The following SH3GL3 variants were observed in gnomAD, a reference collection of about 807,000 sequenced individuals.
SH3GL3 encodes the protein endophilin-A3.
Under a neutral mutation model 47.7 loss-of-function variants are expected in SH3GL3, and 33 were observed. The ratio of observed to expected loss-of-function variants is 0.69; its 90% CI spans 0.52 to 0.92. The LOEUF is 0.92. Ranked by LOEUF, SH3GL3 falls within the 40% of genes least tolerant of loss-of-function variation. The pLI is 0.00. For synonymous variants in SH3GL3, 155 were observed against 148.8 expected, an observed-to-expected ratio of 1.04 and a Z score of -0.30; for missense variants, 363 against 417.8, an observed-to-expected ratio of 0.87 and a Z score of 1.14.
intron 1 of SH3GL3, among the ~76,000 whole-genome samples, chr15:83,498,763 A>G (rs1199058375): frequency 2.0e-5 from 3 of 152,140 alleles, no homozygotes; most frequent in African/African-American, 4.8e-5. Flanking sequence ...GGATCTTCCT[A>G]AAACAGGAAT....
At chr15:83,450,705 CTTT>C (rs71156082) in intron 1 of SH3GL3, among the ~76,000 whole-genome samples, 83 of 82,374 alleles carry the variant, frequency 1.0e-3, no homozygotes, top group African/African-American at 3.6e-3. Flanking sequence ...CCAAATTTTT[CTTT>C]TTTTTTTTTT....
intron 1 of SH3GL3, among the ~76,000 whole-genome samples, chr15:83,558,599 C>T (rs1814611019): frequency 6.6e-6 from 1 of 152,076 alleles, no homozygotes; most frequent in South Asian, 2.1e-4. Flanking sequence ...ACAGCCCCCA[C>T]AACAGATAAT....
intron 1 of SH3GL3, among the ~76,000 whole-genome samples, chr15:83,540,246 C>A (rs2151698596): frequency 6.6e-6 from 1 of 152,168 alleles, no homozygotes; most frequent in East Asian, 1.9e-4. Flanking sequence ...GGTAAATGTT[C>A]CATGTCTACT....
intron 1 of SH3GL3, among the ~76,000 whole-genome samples, chr15:83,529,702 G>C (rs1191082923): frequency 6.7e-6 from 1 of 148,370 alleles, no homozygotes; most frequent in Non-Finnish European, 1.5e-5. Context: ...CAGCATCCCT[G>C]CTGCTCAGTG....
chr15:83,473,912 A>C (rs1372514037), intron 1 of SH3GL3, among the ~76,000 whole-genome samples: 1 of 150,974 alleles, frequency 6.6e-6, no homozygotes, highest in Non-Finnish European at 1.5e-5. Flanking sequence ...TTCAGCTCCA[A>C]ATCTTGGACA....
intron 1 of SH3GL3, among the ~76,000 whole-genome samples, chr15:83,459,487 GA>G (rs2040165975): frequency 1.3e-5 from 2 of 152,176 alleles, no homozygotes; most frequent in African/African-American, 4.8e-5. Flanking sequence ...TGGGATTCCG[GA>G]AAGGAATTTC....
At chr15:83,622,613 AT>A (rs1443478048), downstream of SH3GL3, among the ~76,000 whole-genome samples, 20 of 152,268 alleles carry the variant, frequency 1.3e-4, no homozygotes, top group African/African-American at 4.8e-4. Flanking sequence ...AGATGCAAGG[AT>A]CATGACCTGG....
At chr15:83,549,617 T>C (rs759960050) in intron 1 of SH3GL3, among the ~76,000 whole-genome samples, 11 of 152,228 alleles carry the variant, frequency 7.2e-5, no homozygotes, top group Non-Finnish European at 1.3e-4. Flanking sequence ...TATTTAGCCT[T>C]CTAGCAGCCT....
intron 8 of SH3GL3, among the ~76,000 whole-genome samples, chr15:83,607,894 C>A (rs1425496860): frequency 5.4e-5 from 8 of 148,394 alleles, no homozygotes; most frequent in South Asian, 2.1e-4. Context: ...ACAACAACAA[C>A]AAAAAAAACA....
intron 8 of SH3GL3, among the ~76,000 whole-genome samples, chr15:83,607,328 G>A (rs2060544292): frequency 6.6e-6 from 1 of 152,208 alleles, no homozygotes; most frequent in African/African-American, 2.4e-5. Context: ...CCAGGCAACA[G>A]TGATGTTGCA....
Position 83,447,445 on chromosome 15 carries a change from C to A in SH3GL3, c.-89C>A. 1 of 1,169,208 alleles carries A rather than the reference C, an allele frequency of 8.6e-7. No homozygotes were observed. The highest frequency in any genetic ancestry group is 1.1e-6 in the Non-Finnish European group (1 of 901,858). The allele number at this position is 1,169,208 out of a possible 1,614,324, so 72.4% of individuals were successfully genotyped here. A position where few individuals can be genotyped will look rare whatever the true frequency, so the allele number is the denominator to read the frequency against. On this transcript the variant is annotated 5_prime_UTR_variant, in exon 1 of 9. Transcript: ENST00000427482. This position sits in a 1 kb window ranked among gnomAD's most constrained non-coding sequence, Gnocchi z 5.1. Reference sequence around the variant, plus strand: ...CGGCGGAGCCCAGCCGCGGGGGGACCGGCCCGGGCTCCCGCTCCCCGAGCG... The same window carrying A: ...CGGCGGAGCCCAGCCGCGGGGGGACAGGCCCGGGCTCCCGCTCCCCGAGCG...
chr15:83,582,184 T>C (rs967534860), intron 6 of SH3GL3, among the ~76,000 whole-genome samples: 2 of 152,206 alleles, frequency 1.3e-5, no homozygotes, highest in African/African-American at 2.4e-5. Flanking sequence ...TCATTATTCC[T>C]CACAACTTAC....
At position 83,525,221 on chromosome 15, in the gene SH3GL3, T is replaced by C. The variant is rs369014304; in HGVS notation, c.46-34032T>C. ...TTCGAATTTGATAAGATATCTCTAT[T>C]GTGTTTTTGATTTGCATTTCCCTGA... On this transcript the variant is annotated intron_variant, in intron 1 of 8. Transcript: ENST00000427482. 2.6e-5 allele frequency among the ~76,000 whole-genome samples: 4 copies of C among 152,270 alleles called. No individual in the cohort carries two copies. In the East Asian group the frequency reaches 5.8e-4, roughly 22 times the overall value.
In SH3GL3 at chr15:83,456,889, T is replaced by G. The variant is rs115697062; in HGVS notation, c.45+9311T>G. ...TAAATATTTTTTCTCTTGACAAGAT[T>G]TTTTTGATAGAGCTGTTTACTCTTC... is the stretch of plus-strand genomic sequence containing the variant. On this transcript the variant is annotated intron_variant, in intron 1 of 8. Coordinates refer to ENST00000427482, the MANE Select transcript of SH3GL3 (RefSeq NM_003027.5). 3.8e-3 allele frequency among the ~76,000 whole-genome samples: 583 copies of G among 152,354 alleles called. 4 individuals are homozygous for G. Among genetic ancestry groups the G allele is most frequent in the African/African-American group, 0.013 (544 of 41,594 alleles).
intron 1 of SH3GL3, among the ~76,000 whole-genome samples, chr15:83,478,978 C>T (rs983379006): frequency 9.9e-5 from 15 of 152,194 alleles, no homozygotes; most frequent in Non-Finnish European, 1.6e-4. Context: ...TAGAAATGTC[C>T]TCTTTCTACT....
intron 8 of SH3GL3, among the ~76,000 whole-genome samples, chr15:83,597,403 C>T (rs2060262101): frequency 6.6e-6 from 1 of 152,138 alleles, no homozygotes; most frequent in South Asian, 2.1e-4. Flanking sequence ...GTCACATTCC[C>T]TTTCGCTGTG....
In SH3GL3 at chr15:83,567,718, G is replaced by A. The variant is rs183402875; in HGVS notation, c.188-811G>A. 2.5e-3 allele frequency among the ~76,000 whole-genome samples: 382 copies of A among 152,186 alleles called. 1 individual carries two copies. The highest frequency in any genetic ancestry group is 3.9e-3 in the Non-Finnish European group (262 of 67,988). On this transcript the variant is annotated intron_variant, in intron 3 of 8. Transcript: ENST00000427482. Reference sequence around the variant, plus strand: ...GGGAGCAGAGTGTGTGTGTGTGTGCGTGCGCGCGCATGTGGTGTGTGTTAA... The same window carrying A: ...GGGAGCAGAGTGTGTGTGTGTGTGCATGCGCGCGCATGTGGTGTGTGTTAA...
At chr15:83,606,353 T>G (rs1214631678) in intron 8 of SH3GL3, among the ~76,000 whole-genome samples, 2 of 152,192 alleles carry the variant, frequency 1.3e-5, no homozygotes, top group Admixed American at 1.3e-4. Flanking sequence ...TGGCACAAAA[T>G]GTCTAGGATT....
the SH3GL3 span, among the ~76,000 whole-genome samples, chr15:83,629,634 A>C: frequency 6.6e-6 from 1 of 152,182 alleles, no homozygotes; most frequent in African/African-American, 2.4e-5. Flanking sequence ...AGGCTGGCCA[A>C]TACAGTGAGA....
Sources: gnomAD v4.1 joint callset for allele counts (sites outside exome capture counted in the v4.1 genomes callset) on GRCh38, gnomAD v4.1.1 for gene constraint, Gnocchi (gnomAD v3.1) non-coding constraint, MANE v1.5 for transcripts, NCBI Gene and HGNC (gene_info 2026-07-23, HGNC 2026-07-21) for gene names.